XXYLT1: variants seen among roughly 807,000 people sequenced by gnomAD.
The protein encoded by XXYLT1 is xyloside xylosyltransferase 1.
XXYLT1 carries 20 observed loss-of-function variants against 28.9 expected under a neutral mutation model. The observed-to-expected ratio is 0.69, with a 90% CI of 0.49 to 1.00. The LOEUF (loss-of-function observed/expected upper bound fraction) is 1.00, where lower values mean the gene tolerates loss of function less well. XXYLT1 is among the 50% of genes least tolerant of loss of function. The pLI is 0.00. For synonymous variants in XXYLT1, 257 were observed against 253.8 expected (o/e 1.01, Z -0.12); for missense variants, 542 against 560.1 (o/e 0.97, Z 0.33).
chr3:195,213,194 C>T (rs924980983), intron 2 of XXYLT1, among the ~76,000 whole-genome samples: 2 of 151,672 alleles, frequency 1.3e-5, no homozygotes, highest in Non-Finnish European at 2.9e-5. Flanking sequence ...CTGCCCACAT[C>T]CGCATCCCAA....
chr3:195,247,623 G>C, intron 1 of XXYLT1: 1 of 539,512 alleles, frequency 1.9e-6, no homozygotes, highest in Non-Finnish European at 3.3e-6. Context: ...GCCCAAGGGG[G>C]AGAGCCATGA....
At chr3:195,219,553 T>A (rs939499902) in intron 2 of XXYLT1, among the ~76,000 whole-genome samples, 1 of 152,204 alleles carries the variant, frequency 6.6e-6, no homozygotes, top group Admixed American at 6.5e-5. Context: ...GAATTTCCCA[T>A]GTGGGTTTTG....
At chr3:195,162,277 G>C (rs1037124555) in intron 2 of XXYLT1, among the ~76,000 whole-genome samples, 1 of 152,090 alleles carries the variant, frequency 6.6e-6, no homozygotes, top group Non-Finnish European at 1.5e-5. Context: ...GCCAGGATAC[G>C]GCCAGCGCTC....
intron 3 of XXYLT1, among the ~76,000 whole-genome samples, chr3:195,138,857 G>GAAAAA (rs552573280): frequency 2.4e-5 from 2 of 84,138 alleles, no homozygotes; most frequent in Non-Finnish European, 4.8e-5. Flanking sequence ...TCTGCCTCAG[G>GAAAAA]AAAAAAAAAA....
At chr3:195,258,826 G>GA (rs1248409718) in intron 1 of XXYLT1, among the ~76,000 whole-genome samples, 1 of 152,196 alleles carries the variant, frequency 6.6e-6, no homozygotes, top group Non-Finnish European at 1.5e-5. Flanking sequence ...GTCAGAGAAG[G>GA]AAAAAACACC....
In XXYLT1 at chr3:195,068,544, C is replaced by T. The variant is rs1029580753; in HGVS notation, c.*1171G>A. Reference sequence around the variant, plus strand: ...GCCCATGAGTGACATGTCTTCCAAGCCCACATGGTCACACTTGGGAATTGC... The same window carrying T: ...GCCCATGAGTGACATGTCTTCCAAGTCCACATGGTCACACTTGGGAATTGC... On this transcript the variant is annotated 3_prime_UTR_variant, in exon 4 of 4. Coordinates refer to ENST00000310380, the MANE Select transcript of XXYLT1 (RefSeq NM_152531.5). The T allele has an allele frequency of 4.6e-5, 7 of 151,808 alleles. No homozygotes were observed. The highest frequency in any genetic ancestry group is 1.7e-4 in the African/African-American group (7 of 41,314). The allele number at this position is 151,808 out of a possible 1,614,324, so 9.4% of individuals were successfully genotyped here.
chr3:195,270,074 A>T (rs1725966846), intron 1 of XXYLT1: 1 of 241,916 alleles, frequency 4.1e-6, no homozygotes, highest in Non-Finnish European at 8.8e-6. Flanking sequence ...GTTTGACCAG[A>T]TCCTACTGAA....
chr3:195,148,951 G>A (rs1577079932), intron 3 of XXYLT1, among the ~76,000 whole-genome samples: 1 of 152,192 alleles, frequency 6.6e-6, no homozygotes, highest in South Asian at 2.1e-4. Context: ...TGGGTGGGAG[G>A]AGACATAAAA....
At chr3:195,266,297 C>T (rs1248567441) in intron 1 of XXYLT1, among the ~76,000 whole-genome samples, 1 of 152,090 alleles carries the variant, frequency 6.6e-6, no homozygotes, top group Non-Finnish European at 1.5e-5. Context: ...AGATCGAGAC[C>T]ATCCTGGCCC....
At chr3:195,202,113 G>C (rs9850211) in intron 2 of XXYLT1, among the ~76,000 whole-genome samples, 108 of 152,230 alleles carry the variant, frequency 7.1e-4, no homozygotes, top group African/African-American at 2.5e-3. Flanking sequence ...GGAGGTGGAG[G>C]TTGCAGTGAG....
chr3:195,179,503 G>A (rs955997710), intron 2 of XXYLT1, among the ~76,000 whole-genome samples: 1 of 152,054 alleles, frequency 6.6e-6, no homozygotes, highest in Non-Finnish European at 1.5e-5. Context: ...CTCAAGAACT[G>A]GTTTTCAGTC....
chr3:195,179,803 T>C (rs746940244), intron 2 of XXYLT1, among the ~76,000 whole-genome samples: 2 of 152,072 alleles, frequency 1.3e-5, no homozygotes, highest in Non-Finnish European at 1.5e-5. Context: ...GCCGTAGAGA[T>C]GTGGGACAAA....
intron 2 of XXYLT1, among the ~76,000 whole-genome samples, chr3:195,167,707 C>A (rs753374657): frequency 6.6e-6 from 1 of 152,214 alleles, no homozygotes; most frequent in Non-Finnish European, 1.5e-5. Context: ...CCATGCCCAG[C>A]CAAGAAGAGC....
chr3:195,214,427 C>T (rs1017056779), intron 2 of XXYLT1, among the ~76,000 whole-genome samples: 3 of 152,080 alleles, frequency 2.0e-5, no homozygotes, highest in African/African-American at 7.3e-5. Context: ...CACCCATGTC[C>T]ATCCTAAACC....
At chr3:195,260,318 G>A (rs1036512616) in intron 1 of XXYLT1, among the ~76,000 whole-genome samples, 1 of 151,884 alleles carries the variant, frequency 6.6e-6, no homozygotes, top group Non-Finnish European at 1.5e-5. Flanking sequence ...CGACGCCCGC[G>A]GCCCCTCCTC....
chr3:195,256,415 G>T lies in XXYLT1; in HGVS notation c.504+14140C>A, dbSNP rs372365404. On this transcript the variant is annotated intron_variant, in intron 1 of 3. Coordinates refer to ENST00000310380, the MANE Select transcript of XXYLT1 (RefSeq NM_152531.5). This position sits in a 1 kb window ranked among gnomAD's most constrained non-coding sequence, Gnocchi z 4.2. ...TCCCTCGCCCTCATGCTCCGCGCAG[G>T]CCTGAGGTGCGGCCCTGCACAGGGC... 2 of 905,230 alleles carry T rather than the reference G, an allele frequency of 2.2e-6. No homozygotes were observed. Among genetic ancestry groups the T allele is most frequent in the East Asian group, 2.4e-4 (2 of 8,460 alleles). 56.1% of individuals were successfully genotyped at this position (905,230 alleles called of 1,614,324 possible). A position where few individuals can be genotyped will look rare whatever the true frequency, so the allele number is the denominator to read the frequency against.
At chr3:195,221,337 G>T (rs1723813389) in intron 2 of XXYLT1, among the ~76,000 whole-genome samples, 1 of 152,150 alleles carries the variant, frequency 6.6e-6, no homozygotes, top group East Asian at 1.9e-4. Context: ...CTCATTGCTG[G>T]ACCATGCCAC....
chr3:195,168,373 C>A lies in XXYLT1; in HGVS notation c.653-11792G>T, dbSNP rs555842803. On this transcript the variant is annotated intron_variant, in intron 2 of 3. Transcript: ENST00000310380. The surrounding 1 kb of genome is among the most constrained non-coding windows in gnomAD (Gnocchi z 4.3). Reference sequence around the variant, plus strand: ...TCTCACCCATGCCCAGCTAAGCAAGCCACAAAATCCCTACTATGTGCCAAG... The same window carrying A: ...TCTCACCCATGCCCAGCTAAGCAAGACACAAAATCCCTACTATGTGCCAAG... Among the ~76,000 whole-genome samples the A allele has an allele frequency of 1.3e-5, 2 of 152,322 alleles. No individual in the cohort carries two copies. The highest frequency in any genetic ancestry group is 4.8e-5 in the African/African-American group (2 of 41,568).
intron 2 of XXYLT1, among the ~76,000 whole-genome samples, chr3:195,196,398 G>T (rs1722626400): frequency 6.6e-6 from 1 of 152,162 alleles, no homozygotes; most frequent in African/African-American, 2.4e-5. Flanking sequence ...ACAGGGTCCT[G>T]CCTCCTCCCC....
Sources: gnomAD v4.1 joint callset for allele counts (sites outside exome capture counted in the v4.1 genomes callset) on GRCh38, gnomAD v4.1.1 for gene constraint, Gnocchi (gnomAD v3.1) non-coding constraint, MANE v1.5 for transcripts, NCBI Gene and HGNC (gene_info 2026-07-23, HGNC 2026-07-21) for gene names.